Variants in LHFPL3 observed in about 807,000 individuals in gnomAD.
LHFPL3 encodes the protein LHFPL tetraspan subfamily member 3.
LHFPL3 carries 5 observed loss-of-function variants against 19.3 expected under a neutral mutation model. The ratio of observed to expected loss-of-function variants is 0.26; its 90% CI spans 0.14 to 0.54. The LOEUF (loss-of-function observed/expected upper bound fraction) is 0.54, where lower values mean the gene tolerates loss of function less well. Among genes scored for constraint, LHFPL3 ranks in the 20% least tolerant of loss-of-function variants. The pLI is 0.94. For missense variants in LHFPL3, 249 were observed against 307.4 expected, an observed-to-expected ratio of 0.81 and a Z score of 1.42; for synonymous variants, 133 against 126.2, an observed-to-expected ratio of 1.05 and a Z score of -0.36.
chr7:104,767,231 G>A (rs1048779175), intron 2 of LHFPL3, among the ~76,000 whole-genome samples: 3 of 152,206 alleles, frequency 2.0e-5, no homozygotes, highest in Admixed American at 6.5e-5. Flanking sequence ...AAACTGTCAC[G>A]ATCAGAGCAG....
At chr7:104,392,510 C>G in intron 1 of LHFPL3, among the ~76,000 whole-genome samples, 1 of 151,738 alleles carries the variant, frequency 6.6e-6, no homozygotes, top group South Asian at 2.1e-4. Flanking sequence ...GTATATTGAA[C>G]CAGCCTTGCA....
rs554301706 is a variant in LHFPL3 at position 104,560,711 on chromosome 7, T to C, written c.446-175964T>C. On this transcript the variant is annotated intron_variant, in intron 1 of 2. Transcript: ENST00000424859. ...TTCTGCTCTGATTTTAGTTATTTCT[T>C]GCCTTCTGCTAGCTTTTGAATGTGT... Among the ~76,000 whole-genome samples the C allele has an allele frequency of 1.8e-3, 275 of 148,854 alleles. 3 individuals are homozygous for C. The highest frequency in any genetic ancestry group is 2.6e-3 in the Non-Finnish European group (176 of 67,236).
intron 1 of LHFPL3, among the ~76,000 whole-genome samples, chr7:104,435,343 G>C (rs1001813857): frequency 1.3e-5 from 2 of 151,766 alleles, no homozygotes; most frequent in Admixed American, 6.6e-5. Context: ...TAGACACTGG[G>C]TCTTGCCAGG....
At chr7:104,657,200 C>A (rs1033475688) in intron 1 of LHFPL3, among the ~76,000 whole-genome samples, 22 of 152,204 alleles carry the variant, frequency 1.4e-4, no homozygotes, top group Admixed American at 1.4e-3. Context: ...ATTCAATCAC[C>A]AATATGTTAT....
chr7:104,621,563 T>G (rs1791446286), intron 1 of LHFPL3, among the ~76,000 whole-genome samples: 1 of 152,054 alleles, frequency 6.6e-6, no homozygotes, highest in South Asian at 2.1e-4. Flanking sequence ...CAAACAGAGG[T>G]GCTGACATGG....
chr7:104,371,126 T>G (rs964177130), intron 1 of LHFPL3, among the ~76,000 whole-genome samples: 21 of 152,206 alleles, frequency 1.4e-4, no homozygotes, highest in African/African-American at 4.8e-4. Flanking sequence ...GATTAGCTGA[T>G]AAAAAGCTAC....
At chr7:104,858,535 C>T (rs141481269) in intron 2 of LHFPL3, among the ~76,000 whole-genome samples, 1 of 152,308 alleles carries the variant, frequency 6.6e-6, no homozygotes, top group Non-Finnish European at 1.5e-5. Context: ...CTCCCACATC[C>T]CTTCCAGAAG....
intron 2 of LHFPL3, among the ~76,000 whole-genome samples, chr7:104,873,711 C>T (rs1791879457): frequency 6.6e-6 from 1 of 152,244 alleles, no homozygotes; most frequent in African/African-American, 2.4e-5. Flanking sequence ...TGCTCATACA[C>T]TCCCACACAC....
chr7:104,787,403 A>T (rs1055509410), intron 2 of LHFPL3, among the ~76,000 whole-genome samples: 1 of 152,220 alleles, frequency 6.6e-6, no homozygotes, highest in South Asian at 2.1e-4. Context: ...TGAGTGGCTT[A>T]TAAACAACAG....
At chr7:104,555,044 G>T (rs186791452) in intron 1 of LHFPL3, among the ~76,000 whole-genome samples, 6 of 152,294 alleles carry the variant, frequency 3.9e-5, no homozygotes, top group Non-Finnish European at 8.8e-5. Flanking sequence ...ACTGGATGGT[G>T]CCTTCTCACA....
chr7:104,674,964 A>T (rs1359391849), intron 1 of LHFPL3, among the ~76,000 whole-genome samples: 4 of 152,234 alleles, frequency 2.6e-5, no homozygotes, highest in African/African-American at 9.6e-5. Context: ...GCTGTAGGGT[A>T]CTATTCTAGG....
chr7:104,526,858 G>A (rs1325301811), intron 1 of LHFPL3, among the ~76,000 whole-genome samples: 2 of 152,286 alleles, frequency 1.3e-5, no homozygotes, highest in East Asian at 1.9e-4. Flanking sequence ...CAATAATGAA[G>A]AAGATGTTCA....
chr7:104,738,002 C>G (rs944523542), intron 2 of LHFPL3, among the ~76,000 whole-genome samples: 1 of 134,224 alleles, frequency 7.5e-6, no homozygotes, highest in Admixed American at 7.5e-5. Context: ...ACTGTTTATG[C>G]GGGTAAACTA....
chr7:104,554,685 AGATAGAC>A (rs1794729144), intron 1 of LHFPL3, among the ~76,000 whole-genome samples: 1 of 139,926 alleles, frequency 7.1e-6, no homozygotes, highest in East Asian at 2.0e-4. Context: ...ATAGATAGAT[AGATAGAC>A]AGACAGATGA....
rs148595773 is a variant in LHFPL3, at chr7:104,732,430, A to G, written c.446-4245A>G. Among the ~76,000 whole-genome samples the G allele has an allele frequency of 6.9e-3, 1,048 of 152,268 alleles. 6 individuals carry two copies. Among genetic ancestry groups the G allele is most frequent in the African/African-American group, 0.023 (946 of 41,554 alleles). Reference sequence around the variant, plus strand: ...TGTTATTGGTCTATTCAGAGATTCAACTTCTTCCTGGTTTAGTCTTGGGAG... The same window carrying G: ...TGTTATTGGTCTATTCAGAGATTCAGCTTCTTCCTGGTTTAGTCTTGGGAG... On this transcript the variant is annotated intron_variant, in intron 1 of 2. Coordinates refer to ENST00000424859, the MANE Select transcript of LHFPL3 (RefSeq NM_199000.3).
intron 1 of LHFPL3, among the ~76,000 whole-genome samples, chr7:104,719,472 A>G (rs1793447484): frequency 6.6e-6 from 1 of 152,220 alleles, no homozygotes; most frequent in Non-Finnish European, 1.5e-5. Flanking sequence ...ATGTTTATAC[A>G]TGAATTTATG....
chr7:104,763,432 A>G (rs1794408572), intron 2 of LHFPL3, among the ~76,000 whole-genome samples: 1 of 152,238 alleles, frequency 6.6e-6, no homozygotes, highest in African/African-American at 2.4e-5. Context: ...GTAGATATGC[A>G]GATTAACTCA....
chr7:104,887,062 G>T (rs189447600), intron 2 of LHFPL3, among the ~76,000 whole-genome samples: 32 of 152,332 alleles, frequency 2.1e-4, no homozygotes, highest in African/African-American at 7.7e-4. Context: ...GAAATCCAGA[G>T]AATTTTCTCC....
At chr7:104,801,571 GT>G (rs201574437) in intron 2 of LHFPL3, among the ~76,000 whole-genome samples, 2,035 of 152,004 alleles carry the variant, frequency 0.013, 47 homozygotes, top group African/African-American at 0.045. Context: ...GTTTTGTTTT[GT>G]TTTTGTTTTT....
Sources: gnomAD v4.1 joint callset for allele counts (sites outside exome capture counted in the v4.1 genomes callset) on GRCh38, gnomAD v4.1.1 for gene constraint, MANE v1.5 for transcripts, NCBI Gene and HGNC (gene_info 2026-07-23, HGNC 2026-07-21) for gene names.